The following TDRD10 variants were observed in gnomAD, a reference collection of about 807,000 sequenced individuals.
TDRD10 encodes tudor domain containing 10.
TDRD10 carries 40 observed loss-of-function variants against 48.0 expected under a neutral mutation model. The ratio of observed to expected loss-of-function variants is 0.83; its 90% CI spans 0.65 to 1.09. The LOEUF is 1.09. Among genes scored for constraint, TDRD10 ranks in the 50% least tolerant of loss-of-function variants. The probability of loss-of-function intolerance (pLI) is 0.00; values close to 1 mark genes in which losing one functional copy is unlikely to be tolerated. For missense variants in TDRD10, 378 were observed against 434.7 expected, an observed-to-expected ratio of 0.87 and a Z score of 1.16; for synonymous variants, 162 against 170.4, an observed-to-expected ratio of 0.95 and a Z score of 0.38.
chr1:154,536,647 A>T (rs189015102), intron 6 of TDRD10, among the ~76,000 whole-genome samples: 1 of 152,338 alleles, frequency 6.6e-6, no homozygotes, highest in Non-Finnish European at 1.5e-5. Context: ...GATAGAGAAC[A>T]TTTCAGTCGC....
At chr1:154,535,259 C>A (rs889151088) in intron 6 of TDRD10, among the ~76,000 whole-genome samples, 2 of 151,638 alleles carry the variant, frequency 1.3e-5, no homozygotes, top group African/African-American at 4.9e-5. Flanking sequence ...TCCAGCTACT[C>A]GGGAGGCTGA....
intron 11 of TDRD10, among the ~76,000 whole-genome samples, chr1:154,546,260 G>A (rs531964275): frequency 5.4e-4 from 80 of 148,476 alleles, no homozygotes; most frequent in Middle Eastern, 7.0e-3. Flanking sequence ...TTTTAATAGT[G>A]ACGGGGTTTC....
intron 4 of TDRD10, 139 bp downstream of exon 4, chr1:154,508,620 A>G (rs572659712): frequency 4.5e-6 from 3 of 671,436 alleles, no homozygotes; most frequent in Non-Finnish European, 8.1e-6. Context: ...GTTGGTGACT[A>G]GGGTAACCAA....
At chr1:154,541,352 T>A (rs1695222093) in intron 6 of TDRD10, among the ~76,000 whole-genome samples, 1 of 152,126 alleles carries the variant, frequency 6.6e-6, no homozygotes, top group Admixed American at 6.5e-5. Flanking sequence ...CTGTTTGCCC[T>A]CTGATGAAGA....
Position 154,544,372 on chromosome 1 carries a change from G to A in TDRD10, c.652G>A (p.Ala218Thr). ...GGCCGTTGCGTTTTGCACCCCACAG[G>A]CTCTGCACCAGAACATGCAGGCTCT... ...PFFWAMHVTE[A>T]LHQNMQALFS... The change falls in exon 10 of 13, where the codon GCT becomes ACT. Residue 218 changes from alanine to threonine, a missense_variant and splice_region_variant. Around this residue, in one of 2 missense-constraint regions of TDRD10, gnomAD observed 310 missense variants for 323.6 expected, o/e 0.96. Coordinates refer to ENST00000368482, the MANE Select transcript of TDRD10 (RefSeq NM_182499.4). 2.5e-6 allele frequency: 4 copies of A among 1,580,978 alleles called. No homozygotes were observed. Among genetic ancestry groups the A allele is most frequent in the Non-Finnish European group, 3.4e-6 (4 of 1,163,436 alleles).
chr1:154,545,061 C>G (rs1276098539), intron 11 of TDRD10, 112 bp downstream of exon 11: 8 of 1,393,738 alleles, frequency 5.7e-6, no homozygotes, highest in Non-Finnish European at 7.7e-6. Context: ...GCTTCAGTCT[C>G]TCTTTCCACC....
intron 3 of TDRD10, 114 bp downstream of exon 3, chr1:154,507,434 C>A: frequency 8.2e-7 from 1 of 1,224,682 alleles, no homozygotes; most frequent in South Asian, 1.4e-5. Context: ...TGGGATCTGC[C>A]TAGATTCTGC....
intron 4 of TDRD10, among the ~76,000 whole-genome samples, chr1:154,516,342 G>A (rs1021219461): frequency 2.0e-5 from 3 of 152,010 alleles, no homozygotes; most frequent in Non-Finnish European, 4.4e-5. Context: ...CTGATTTAGC[G>A]GCAGAGGCTT....
chr1:154,514,412 T>A (rs888569008), intron 4 of TDRD10, among the ~76,000 whole-genome samples: 4 of 152,106 alleles, frequency 2.6e-5, no homozygotes, highest in East Asian at 1.9e-4. Context: ...AAGGGTGAGA[T>A]GACAGAATGC....
chr1:154,502,340 C>A lies in TDRD10; in HGVS notation c.-717C>A, dbSNP rs1692824226. 1 of 169,888 alleles carries A rather than the reference C, an allele frequency of 5.9e-6. No individual in the cohort carries two copies. The highest frequency in any genetic ancestry group is 2.4e-5 in the African/African-American group (1 of 42,154). The allele number at this position is 169,888 out of a possible 1,614,324, so 10.5% of individuals were successfully genotyped here. On this transcript the variant is annotated 5_prime_UTR_variant, in exon 1 of 13. Coordinates refer to ENST00000368482, the MANE Select transcript of TDRD10 (RefSeq NM_182499.4). ...CCAGGCCCACGGAAGCCCCCTGCGG[C>A]CCAGCCCACGCTCCCAGGGACCAGA...
rs1695694068 is a variant in TDRD10, at chr1:154,547,867, C to T, written c.*157C>T. ...CAATTTTGCTTTTACTCCCAGCTTC[C>T]CTCTCAAAAGAGAGTGAAGTCTCAT... On this transcript the variant is annotated 3_prime_UTR_variant, in exon 13 of 13. Coordinates refer to ENST00000368482, the MANE Select transcript of TDRD10 (RefSeq NM_182499.4). 2.5e-6 allele frequency: 2 copies of T among 806,130 alleles called. No individual in the cohort carries two copies. Among genetic ancestry groups the T allele is most frequent in the African/African-American group, 1.7e-5 (1 of 57,852 alleles). 49.9% of individuals were successfully genotyped at this position (806,130 alleles called of 1,614,324 possible).
intron 4 of TDRD10, among the ~76,000 whole-genome samples, chr1:154,508,996 A>G (rs1244806928): frequency 6.6e-6 from 1 of 152,210 alleles, no homozygotes; most frequent in Non-Finnish European, 1.5e-5. Flanking sequence ...TGAAATAATT[A>G]TAAAACAATA....
intron 6 of TDRD10, among the ~76,000 whole-genome samples, chr1:154,522,012 G>A (rs1460063361): frequency 6.6e-6 from 1 of 152,222 alleles, no homozygotes; most frequent in African/African-American, 2.4e-5. Context: ...CCCATTCTCC[G>A]TATGCAGAGG....
chr1:154,523,015 A>G (rs904260809), intron 6 of TDRD10, among the ~76,000 whole-genome samples: 1 of 152,122 alleles, frequency 6.6e-6, no homozygotes, highest in African/African-American at 2.4e-5. Context: ...TCCTGGGTTC[A>G]AGGGATTCTC....
chr1:154,503,810 G>A (rs763623066), intron 1 of TDRD10, among the ~76,000 whole-genome samples: 7 of 152,142 alleles, frequency 4.6e-5, no homozygotes, highest in Non-Finnish European at 8.8e-5. Context: ...CTAAAATGAA[G>A]AAATGCGTGC....
At chr1:154,538,262 G>A (rs928269348) in intron 6 of TDRD10, among the ~76,000 whole-genome samples, 1 of 152,130 alleles carries the variant, frequency 6.6e-6, no homozygotes, top group Non-Finnish European at 1.5e-5. Flanking sequence ...AACTGCCTTA[G>A]GAGAGGCCAG....
At chr1:154,530,040 C>T (rs1051974021) in intron 6 of TDRD10, among the ~76,000 whole-genome samples, 8 of 151,856 alleles carry the variant, frequency 5.3e-5, no homozygotes, top group Admixed American at 3.3e-4. Flanking sequence ...ACAGAGTCTT[C>T]GCTCTTGTTG....
Position 154,542,737 on chromosome 1 carries a change from T to A in TDRD10, c.419T>A (p.Ile140Lys). Residue 140 changes from isoleucine to lysine, a missense_variant, in exon 8 of 13, where the codon ATA becomes AAA. Transcript: ENST00000368482. Reference sequence around the variant, plus strand: ...TTAGTCTTCTGCTTTCTAGCTATTATACAGCTCGCTCCTAAAGCTCCTGTT... The same window carrying A: ...TTAGTCTTCTGCTTTCTAGCTATTAAACAGCTCGCTCCTAAAGCTCCTGTT... The part of the protein sequence containing the change: ...GEGFGKTAAI[I>K]QLAPKAPVDL... 1 of 1,613,482 alleles carries A rather than the reference T, an allele frequency of 6.2e-7. No individual in the cohort carries two copies. Among genetic ancestry groups the A allele is most frequent in the Non-Finnish European group, 8.5e-7 (1 of 1,179,612 alleles).
At chr1:154,521,245 T>G (rs6684225) in intron 5 of TDRD10, 78 bp from the exon 6 acceptor site, 3 of 1,451,220 alleles carry the variant, frequency 2.1e-6, no homozygotes, top group Non-Finnish European at 2.8e-6. Context: ...CCTTCCAGCT[T>G]GGGCTTGGTG....
Sources: allele counts gnomAD v4.1 joint callset (sites outside exome capture counted in the v4.1 genomes callset), GRCh38; gene constraint gnomAD v4.1.1; regional missense constraint gnomAD v4.1.1; transcripts MANE v1.5; gene names NCBI Gene and HGNC (gene_info 2026-07-23, HGNC 2026-07-21).